The following MYL4 variants were observed in gnomAD, a reference collection of about 807,000 sequenced individuals.
The protein encoded by MYL4 is myosin light chain 4.
Under a neutral mutation model 21.6 loss-of-function variants are expected in MYL4, and 16 were observed. That is an observed-to-expected ratio of 0.74 (90% CI 0.50 to 1.12). The LOEUF (loss-of-function observed/expected upper bound fraction) is 1.12. MYL4 is among the 50% of genes most tolerant of loss of function. The probability of loss-of-function intolerance (pLI) is 0.00; values close to 1 mark genes in which losing one functional copy is unlikely to be tolerated. For missense variants in MYL4, 249 were observed against 252.9 expected (o/e 0.98, Z 0.11); for synonymous variants, 82 against 95.7 (o/e 0.86, Z 0.83).
At chr17:47,200,039 C>G (rs1488481819), upstream of MYL4, among the ~76,000 whole-genome samples, 5 of 150,930 alleles carry the variant, frequency 3.3e-5, no homozygotes, top group African/African-American at 1.2e-4. Context: ...CCACGCCTGG[C>G]CTCAATAAGT....
chr17:47,221,925 A>T lies in MYL4; in HGVS notation c.487+70A>T. 3 of 1,522,712 alleles carry T rather than the reference A, an allele frequency of 2.0e-6. No individual in the cohort carries two copies. The African/African-American group carries it at 4.1e-5, about 21-fold the overall frequency. 94.3% of individuals were successfully genotyped at this position (1,522,712 alleles called of 1,614,324 possible). On this transcript the variant is annotated intron_variant, in intron 4 of 6. Transcript: ENST00000393450. The stretch of plus-strand genomic sequence containing the variant: ...GGGGTGGGAGGTGCCAAGGTGACAT[A>T]TGCTGGTTGGGTGGGGGGTGGTATA...
chr17:47,204,180 G>T (rs549195262), upstream of MYL4, among the ~76,000 whole-genome samples: 4 of 152,330 alleles, frequency 2.6e-5, no homozygotes, highest in East Asian at 7.7e-4. Flanking sequence ...TAAGACAGTG[G>T]TGGAGGAAAA....
chr17:47,207,262 T>C (rs1481507165), upstream of MYL4, among the ~76,000 whole-genome samples: 1 of 152,122 alleles, frequency 6.6e-6, no homozygotes, highest in Non-Finnish European at 1.5e-5. Flanking sequence ...AGTGAGCGTG[T>C]ATAGGCTACA....
At chr17:47,202,776 T>C (rs994044835) in intron 1 of MYL4, among the ~76,000 whole-genome samples, 1 of 152,228 alleles carries the variant, frequency 6.6e-6, no homozygotes, top group African/African-American at 2.4e-5. Context: ...ACTTTTCTTG[T>C]TTTTGTAGCC....
upstream of MYL4, among the ~76,000 whole-genome samples, chr17:47,204,852 G>A (rs150927995): frequency 9.8e-4 from 150 of 152,308 alleles, no homozygotes; most frequent in Non-Finnish European, 1.9e-3. Flanking sequence ...TACTCTCTAT[G>A]GGGACGATTG....
chr17:47,206,578 G>GTGGTGGTGACTGAAGTGA (rs1173402780), upstream of MYL4, among the ~76,000 whole-genome samples: 3 of 152,246 alleles, frequency 2.0e-5, no homozygotes, highest in East Asian at 5.8e-4. Context: ...AAACACAGGA[G>GTGGTGGTGACTGAAGTGA]TGGTGGTGAC....
At chr17:47,224,683 C>G (rs1172394798), downstream of MYL4, among the ~76,000 whole-genome samples, 3 of 152,116 alleles carry the variant, frequency 2.0e-5, no homozygotes, top group Non-Finnish European at 4.4e-5. Flanking sequence ...TTTTTTAAGG[C>G]GGAATCATGT....
intron 1 of MYL4, among the ~76,000 whole-genome samples, chr17:47,211,223 A>C (rs920666870): frequency 2.0e-5 from 3 of 152,144 alleles, no homozygotes; most frequent in Non-Finnish European, 4.4e-5. Context: ...ATACTTACCC[A>C]GTTCCTTTGA....
In MYL4 at chr17:47,221,759, A is replaced by G; in HGVS notation, c.391A>G (p.Thr131Ala). ...QHISRNKEQG[T>A]YEDFVEGLRV... ...CATTTCCCGCAACAAGGAGCAGGGC[A>G]CCTATGAGGACTTCGTGGAGGGCCT... Residue 131 changes from threonine (T) to alanine (A), a missense_variant, in exon 4 of 7, where the codon ACC becomes GCC. By Grantham distance (58) the Thr-to-Ala change is moderately conservative (BLOSUM62 0). Coordinates refer to ENST00000393450, the MANE Select transcript of MYL4 (RefSeq NM_002476.2). The G allele has an allele frequency of 6.2e-7, 1 of 1,614,066 alleles. No individual in the cohort carries two copies. The highest frequency in any genetic ancestry group is 8.5e-7 in the Non-Finnish European group (1 of 1,179,988).
upstream of MYL4, among the ~76,000 whole-genome samples, chr17:47,205,319 C>T (rs2047441914): frequency 6.6e-6 from 1 of 152,226 alleles, no homozygotes; most frequent in South Asian, 2.1e-4. Context: ...TGCCTCTTCA[C>T]ACTACTACAT....
chr17:47,189,973 A>C, the MYL4 span, among the ~76,000 whole-genome samples: 1 of 152,316 alleles, frequency 6.6e-6, no homozygotes, highest in African/African-American at 2.4e-5. Context: ...GTTCTATGGA[A>C]GGAAAAAAAA....
rs776650813 is a variant in MYL4 at position 47,219,973 on chromosome 17, GC to G, written c.234del (p.Cys78TrpfsTer29). 17 of 1,614,214 alleles carry G rather than the reference GC, an allele frequency of 1.1e-5. No individual in the cohort carries two copies. The highest frequency in any genetic ancestry group is 1.2e-5 in the Non-Finnish European group (14 of 1,180,024). ...GAGATGAAGATCACCTACGGCCAGT[GC>G]GGGGATGTACTGCGGGCCCTGGGCC... ...TGEMKITYGQ[C>X]GDVLRALGQN... On this transcript the variant is annotated frameshift_variant, in exon 3 of 7. Coordinates refer to ENST00000393450, the MANE Select transcript of MYL4 (RefSeq NM_002476.2). LOFTEE classifies it high-confidence loss of function.
At chr17:47,190,649 C>T in the MYL4 span, among the ~76,000 whole-genome samples, 2 of 152,212 alleles carry the variant, frequency 1.3e-5, no homozygotes, top group Non-Finnish European at 2.9e-5. Flanking sequence ...CTTATAGCCC[C>T]TAAAGGGCAG....
chr17:47,214,770 A>T (rs150565180), intron 2 of MYL4, among the ~76,000 whole-genome samples: 8 of 152,376 alleles, frequency 5.3e-5, no homozygotes, highest in African/African-American at 1.2e-4. Context: ...GTATGAGTGT[A>T]TACAGTTTAT....
chr17:47,225,855 C>CTTTTTTTTTTTTTTTTTTTTTT (rs60342000), downstream of MYL4, among the ~76,000 whole-genome samples: 6 of 113,296 alleles, frequency 5.3e-5, no homozygotes, highest in Middle Eastern at 4.3e-3. Context: ...TCCTTCCCTT[C>CTTTTTTTTTTTTTTTTTTTTTT]TTTTTTTTTT....
In MYL4 at chr17:47,209,480, G is replaced by GCTCCAGCTCCAT; in HGVS notation, c.65_66insTCCATCTCCAGC (p.Pro23_Ala24insSerProAlaPro). The GCTCCAGCTCCAT allele has an allele frequency of 6.2e-7, 1 of 1,614,210 alleles. No homozygotes were observed. The highest frequency in any genetic ancestry group is 8.5e-7 in the Non-Finnish European group (1 of 1,180,046). On this transcript the variant is annotated inframe_insertion, in exon 1 of 7. Coordinates refer to ENST00000393450, the MANE Select transcript of MYL4 (RefSeq NM_002476.2). The stretch of plus-strand genomic sequence containing the variant: ...GGCAGCCAAGCCAGCTCCAGCTCCA[G>GCTCCAGCTCCAT]CTCCAGCCCCTGCACCAGCCCCTGC...
At chr17:47,211,501 CTTACATGT>C (rs2064775354) in intron 1 of MYL4, among the ~76,000 whole-genome samples, 1 of 152,198 alleles carries the variant, frequency 6.6e-6, no homozygotes. Flanking sequence ...ATTAATTGCT[CTTACATGT>C]TTATTCCTGG....
the MYL4 span, among the ~76,000 whole-genome samples, chr17:47,190,926 C>CT: frequency 1.3e-5 from 2 of 152,204 alleles, no homozygotes; most frequent in Non-Finnish European, 2.9e-5. Flanking sequence ...TTGGCTAGGG[C>CT]TGAAAGATTC....
downstream of MYL4, among the ~76,000 whole-genome samples, chr17:47,225,065 A>G (rs2064880111): frequency 6.6e-6 from 1 of 152,174 alleles, no homozygotes; most frequent in African/African-American, 2.4e-5. Flanking sequence ...GGACTCCCCA[A>G]GGTGAAATAA....
Sources: gnomAD v4.1 joint callset for allele counts (sites outside exome capture counted in the v4.1 genomes callset) on GRCh38, gnomAD v4.1.1 for gene constraint, MANE v1.5 for transcripts, NCBI Gene and HGNC (gene_info 2026-07-23, HGNC 2026-07-21) for gene names.